Variants in LRP1B observed in about 807,000 individuals in gnomAD.
LRP1B encodes the protein low-density lipoprotein receptor-related protein 1B.
LRP1B carries 217 observed loss-of-function variants against 556.6 expected under a neutral mutation model. The ratio of observed to expected loss-of-function variants is 0.39; its 90% confidence interval spans 0.35 to 0.44. LRP1B has a LOEUF of 0.44. Among genes scored for constraint, LRP1B ranks in the 20% least tolerant of loss-of-function variants. The pLI is 1.00. For synonymous variants in LRP1B, 2,047 were observed against 1,865.8 expected, an observed-to-expected ratio of 1.10 and a Z score of -2.50; for missense variants, 5,053 against 5,620.8, an observed-to-expected ratio of 0.90 and a Z score of 3.23.
At chr2:140,421,758 C>A (rs1026097639) in intron 66 of LRP1B, among the ~76,000 whole-genome samples, 1 of 152,116 alleles carries the variant, frequency 6.6e-6, no homozygotes, top group Non-Finnish European at 1.5e-5. Flanking sequence ...AACTATTACA[C>A]CCATTTGCAA....
At chr2:140,981,272 C>G (rs937706761) in intron 18 of LRP1B, among the ~76,000 whole-genome samples, 3 of 151,848 alleles carry the variant, frequency 2.0e-5, no homozygotes, top group Non-Finnish European at 4.4e-5. Context: ...ATATAATAAA[C>G]AGAAGGGTTA....
chr2:141,119,018 C>T (rs1159241451), intron 7 of LRP1B, among the ~76,000 whole-genome samples: 1 of 151,900 alleles, frequency 6.6e-6, no homozygotes, highest in African/African-American at 2.4e-5. Flanking sequence ...AGGCTAACTG[C>T]TCAGGCGGTT....
At chr2:141,188,096 A>T (rs534673321) in intron 7 of LRP1B, among the ~76,000 whole-genome samples, 1 of 152,158 alleles carries the variant, frequency 6.6e-6, no homozygotes, top group African/African-American at 2.4e-5. Context: ...ACTGTTAAGC[A>T]TTAAAAAGTT....
At chr2:140,990,363 A>G (rs1219209399) in intron 16 of LRP1B, among the ~76,000 whole-genome samples, 1 of 152,076 alleles carries the variant, frequency 6.6e-6, no homozygotes, top group Non-Finnish European at 1.5e-5. Context: ...TTAGTCATAT[A>G]TATTAAAAAT....
intron 1 of LRP1B, among the ~76,000 whole-genome samples, chr2:141,992,784 T>C (rs1702384198): frequency 6.6e-6 from 1 of 152,084 alleles, no homozygotes; most frequent in South Asian, 2.1e-4. Context: ...TTCATTTTCC[T>C]CCAGGACACA....
At chr2:140,306,246 A>G (rs1684060128) in intron 83 of LRP1B, among the ~76,000 whole-genome samples, 1 of 151,812 alleles carries the variant, frequency 6.6e-6, no homozygotes, top group African/African-American at 2.4e-5. Context: ...TCCTCCTTGT[A>G]CTTCCGGTAG....
At chr2:140,547,875 T>A (rs1038669217) in intron 43 of LRP1B, among the ~76,000 whole-genome samples, 1 of 151,828 alleles carries the variant, frequency 6.6e-6, no homozygotes, top group Non-Finnish European at 1.5e-5. Context: ...TATAATTTTT[T>A]AAATAAAGGT....
intron 3 of LRP1B, among the ~76,000 whole-genome samples, chr2:141,463,597 ATTATATATT>A (rs1364941159): frequency 6.8e-5 from 7 of 103,524 alleles, no homozygotes; most frequent in Admixed American, 5.7e-4. Context: ...TATAATATAT[ATTATATATT>A]ATATATAATT....
chr2:141,685,711 C>T (rs1691269783), intron 2 of LRP1B, among the ~76,000 whole-genome samples: 1 of 151,962 alleles, frequency 6.6e-6, no homozygotes, highest in Non-Finnish European at 1.5e-5. Flanking sequence ...AGTGATGTGG[C>T]ACAAGCCAAG....
At chr2:141,910,581 A>G (rs1699883683) in intron 1 of LRP1B, among the ~76,000 whole-genome samples, 1 of 152,096 alleles carries the variant, frequency 6.6e-6, no homozygotes, top group Non-Finnish European at 1.5e-5. Flanking sequence ...ATTGCTGGGA[A>G]AAAAACAACA....
At chr2:141,281,324 G>T (rs565498075) in intron 3 of LRP1B, among the ~76,000 whole-genome samples, 4 of 151,884 alleles carry the variant, frequency 2.6e-5, no homozygotes, top group African/African-American at 7.2e-5. Flanking sequence ...ATGATTGTAG[G>T]TATCCCACCT....
intron 41 of LRP1B, among the ~76,000 whole-genome samples, chr2:140,682,866 T>C (rs1004511239): frequency 3.9e-5 from 6 of 152,148 alleles, no homozygotes; most frequent in Non-Finnish European, 7.3e-5. Context: ...AGATACGTAA[T>C]AAATCTGATT....
At chr2:141,721,201 T>A (rs1429795146) in intron 2 of LRP1B, among the ~76,000 whole-genome samples, 2 of 152,194 alleles carry the variant, frequency 1.3e-5, no homozygotes, top group Non-Finnish European at 2.9e-5. Flanking sequence ...GTTTTCTATA[T>A]CATGTTCCTT....
intron 5 of LRP1B, among the ~76,000 whole-genome samples, chr2:141,237,001 G>T (rs998662759): frequency 6.6e-6 from 1 of 152,124 alleles, no homozygotes; most frequent in Non-Finnish European, 1.5e-5. Flanking sequence ...TGTGGACACA[G>T]GTATCAGATA....
intron 66 of LRP1B, among the ~76,000 whole-genome samples, chr2:140,411,588 C>A (rs1272773959): frequency 6.6e-6 from 1 of 152,006 alleles, no homozygotes; most frequent in Admixed American, 6.6e-5. Context: ...CCAAGTCACA[C>A]TGCTAGTTAG....
intron 66 of LRP1B, among the ~76,000 whole-genome samples, chr2:140,442,056 C>A (rs1023603999): frequency 6.6e-6 from 1 of 151,838 alleles, no homozygotes; most frequent in Non-Finnish European, 1.5e-5. Flanking sequence ...GGAACAGATG[C>A]TTTTTATTAT....
intron 3 of LRP1B, among the ~76,000 whole-genome samples, chr2:141,423,664 C>T (rs1680237500): frequency 6.6e-6 from 1 of 152,142 alleles, no homozygotes; most frequent in Admixed American, 6.6e-5. Flanking sequence ...CCTTTGCATG[C>T]ACCCCCAGAA....
chr2:142,125,913 A>G (rs1321392740), intron 1 of LRP1B, among the ~76,000 whole-genome samples: 1 of 151,778 alleles, frequency 6.6e-6, no homozygotes, highest in Non-Finnish European at 1.5e-5. Context: ...TTATTCTTGG[A>G]TTATATGGGG....
At chr2:141,626,899 A>C (rs1373411349) in intron 2 of LRP1B, among the ~76,000 whole-genome samples, 1 of 152,232 alleles carries the variant, frequency 6.6e-6, no homozygotes. Flanking sequence ...AGATTTTTTA[A>C]AAAGTAAACA....
Sources: allele counts gnomAD v4.1 joint callset (sites outside exome capture counted in the v4.1 genomes callset), GRCh38; gene constraint gnomAD v4.1.1; transcripts MANE v1.5; gene names NCBI Gene and HGNC (gene_info 2026-07-23, HGNC 2026-07-21).